Variants in PPP1R12B observed in about 807,000 individuals in gnomAD.
The protein encoded by PPP1R12B is protein phosphatase 1 regulatory subunit 12B.
A neutral mutation model predicts 126.1 loss-of-function variants in PPP1R12B; 76 were observed. The ratio of observed to expected loss-of-function variants is 0.60; its 90% CI spans 0.50 to 0.73. The LOEUF (loss-of-function observed/expected upper bound fraction) is 0.73. Among genes scored for constraint, PPP1R12B ranks in the 30% least tolerant of loss-of-function variants. The probability of loss-of-function intolerance (pLI) is 0.00; values close to 1 mark genes in which losing one functional copy is unlikely to be tolerated. For missense variants in PPP1R12B, 1,052 were observed against 1,205.1 expected (o/e 0.87, Z 1.88); for synonymous variants, 356 against 434.7 (o/e 0.82, Z 2.25).
intron 10 of PPP1R12B, 122 bp from the exon 11 acceptor site, chr1:202,440,584 A>G (rs1671476312): frequency 3.1e-6 from 2 of 646,986 alleles, no homozygotes; most frequent in Admixed American, 3.2e-5. Flanking sequence ...TCAAAATAGA[A>G]TTAGTGTTGG....
Position 202,493,170 on chromosome 1 carries a change from A to G in PPP1R12B, c.1998A>G (p.Ala666=), listed in dbSNP as rs1679115255. ...AAAGGACATTCAGCCGGTCGAGGGC[A>G]GAGAGGCAAGCTCAGGAGCAGCCTC... ...EAERTFSRSR[A]ERQAQEQPRE... The change falls in exon 15 of 24, where the codon GCA becomes GCG. Residue 666 remains alanine, a synonymous_variant. Transcript: ENST00000608999. The G allele has an allele frequency of 8.1e-6, 13 of 1,612,350 alleles. No individual in the cohort carries two copies. The East Asian group carries it at 2.7e-4, about 33-fold the overall frequency.
At chr1:202,398,304 C>T (rs540000021) in intron 1 of PPP1R12B, among the ~76,000 whole-genome samples, 1 of 152,314 alleles carries the variant, frequency 6.6e-6, no homozygotes, top group East Asian at 1.9e-4. Flanking sequence ...GTCATTATTT[C>T]CACAGCAAAC....
At chr1:202,555,218 G>A (rs1341529522) in intron 18 of PPP1R12B, among the ~76,000 whole-genome samples, 1 of 146,404 alleles carries the variant, frequency 6.8e-6, no homozygotes, top group African/African-American at 2.5e-5. Flanking sequence ...AATGAAAAGG[G>A]TTAATGTCAT....
chr1:202,566,186 C>G (rs1249366444), intron 21 of PPP1R12B, among the ~76,000 whole-genome samples: 1 of 152,204 alleles, frequency 6.6e-6, no homozygotes, highest in East Asian at 1.9e-4. Flanking sequence ...TGCCTTAGAA[C>G]AGTGAGCAGT....
At chr1:202,461,535 T>G (rs1674310571) in intron 13 of PPP1R12B, among the ~76,000 whole-genome samples, 1 of 152,288 alleles carries the variant, frequency 6.6e-6, no homozygotes, top group Non-Finnish European at 1.5e-5. Context: ...CCAGAGCTAA[T>G]ACATTTGGAA....
In PPP1R12B at chr1:202,564,467, A is replaced by T. The variant is rs761342089; in HGVS notation, c.2677A>T (p.Asn893Tyr). The part of the protein sequence containing the change: ...KKLYESALTE[N>Y]QKLKTKLQEA... ...GCTCTATGAGAGTGCTCTGACTGAAAACCAAAAACTGAAAACAAAACTTCA... is the reference window on the plus strand; with the variant it reads ...GCTCTATGAGAGTGCTCTGACTGAATACCAAAAACTGAAAACAAAACTTCA... Residue 893 changes from asparagine (N) to tyrosine (Y), a missense_variant, in exon 21 of 24, where the codon AAC becomes TAC. Transcript: ENST00000608999. The T allele has an allele frequency of 6.2e-7, 1 of 1,612,204 alleles. No homozygotes were observed. The highest frequency in any genetic ancestry group is 8.5e-7 in the Non-Finnish European group (1 of 1,179,196).
At position 202,588,833 on chromosome 1, in the gene PPP1R12B, A is replaced by AGAT. The variant is rs200203128; in HGVS notation, c.*8274_*8276dup. 4 of 129,354 alleles carry AGAT rather than the reference A, an allele frequency of 3.1e-5. No homozygotes were observed. Among genetic ancestry groups the AGAT allele is most frequent in the South Asian group, 2.5e-4 (1 of 4,042 alleles). 8.0% of individuals were successfully genotyped at this position (129,354 alleles called of 1,614,324 possible). ...CGTTCAAAAGAACCGTAAGATAGAT[A>AGAT]GATAGATAGATAGATAGATAGATAG... On this transcript the variant is annotated 3_prime_UTR_variant, in exon 24 of 24. Transcript: ENST00000608999.
chr1:202,530,732 T>C, intron 18 of PPP1R12B, among the ~76,000 whole-genome samples: 1 of 152,214 alleles, frequency 6.6e-6, no homozygotes, highest in East Asian at 1.9e-4. Flanking sequence ...GTTGCTGCCT[T>C]GTACTCCAAA....
chr1:202,574,819 C>T (rs1688939958), intron 23 of PPP1R12B: 2 of 538,346 alleles, frequency 3.7e-6, no homozygotes, highest in Non-Finnish European at 3.3e-6. Context: ...TTTTCTCCAT[C>T]ATCCTTCCAC....
rs767958215 is a variant in PPP1R12B at position 202,495,680 on chromosome 1, G to T, written c.2446G>T (p.Asp816Tyr). The stretch of plus-strand genomic sequence containing the variant: ...CACAGGCATCAATTTCTGGACAAAG[G>T]ATGTAAGTGGATTGGTCTGTGCTGA... ...RGTGINFWTK[D>Y]EDETDGSEEV... Residue 816 changes from aspartate to tyrosine, a missense_variant and splice_region_variant, in exon 17 of 24, where the codon GAT (aspartate) becomes TAT (tyrosine). Asp to Tyr is a radical substitution (Grantham distance 160, BLOSUM62 -3). Transcript: ENST00000608999. 5.6e-6 allele frequency: 9 copies of T among 1,613,110 alleles called. No individual in the cohort carries two copies. In the South Asian group the frequency reaches 9.9e-5, roughly 18 times the overall value.
At chr1:202,413,263 TA>T (rs1667635008) in intron 1 of PPP1R12B, among the ~76,000 whole-genome samples, 1 of 152,208 alleles carries the variant, frequency 6.6e-6, no homozygotes, top group Non-Finnish European at 1.5e-5. Context: ...GTAACCAAGT[TA>T]TCTAGTTAAA....
At chr1:202,502,842 A>G (rs1680381202) in intron 18 of PPP1R12B, 1 of 152,144 alleles carries the variant, frequency 6.6e-6, no homozygotes, top group South Asian at 2.1e-4. Flanking sequence ...TGTTATGGAC[A>G]GAGGGAATAG....
At chr1:202,554,988 C>T (rs967612651) in intron 18 of PPP1R12B, among the ~76,000 whole-genome samples, 17 of 151,940 alleles carry the variant, frequency 1.1e-4, no homozygotes, top group African/African-American at 3.9e-4. Flanking sequence ...CTAGGCCTCT[C>T]GAAAACCCTA....
At chr1:202,415,267 C>T (rs1407796521) in intron 1 of PPP1R12B, among the ~76,000 whole-genome samples, 3 of 152,014 alleles carry the variant, frequency 2.0e-5, no homozygotes, top group Non-Finnish European at 4.4e-5. Flanking sequence ...GAATATAGTG[C>T]CTGCTGGTAG....
chr1:202,563,080 C>A (rs564555318), intron 20 of PPP1R12B, among the ~76,000 whole-genome samples, 158 bp downstream of exon 20: 2 of 152,284 alleles, frequency 1.3e-5, no homozygotes, highest in African/African-American at 4.8e-5. Flanking sequence ...TACTTCACCT[C>A]TCCAAAAAAC....
chr1:202,539,976 A>G, intron 18 of PPP1R12B: 1 of 1,187,938 alleles, frequency 8.4e-7, no homozygotes, highest in Non-Finnish European at 1.1e-6. Flanking sequence ...TCAGAGCTCA[A>G]GACTATAATT....
At chr1:202,460,672 G>A (rs1330550293) in intron 13 of PPP1R12B, among the ~76,000 whole-genome samples, 2 of 152,164 alleles carry the variant, frequency 1.3e-5, no homozygotes, top group Non-Finnish European at 2.9e-5. Context: ...CTCTTCCTAA[G>A]TATGAATATT....
At chr1:202,540,208 A>G in intron 18 of PPP1R12B, 1 of 1,610,442 alleles carries the variant, frequency 6.2e-7, no homozygotes, top group Non-Finnish European at 8.5e-7. Flanking sequence ...ATTCTCCCCC[A>G]GCATCTCCCT....
chr1:202,386,717 T>G (rs1348280128), intron 1 of PPP1R12B, among the ~76,000 whole-genome samples: 2 of 152,214 alleles, frequency 1.3e-5, no homozygotes, highest in Admixed American at 6.5e-5. Context: ...ACTATTGTAT[T>G]TAACACTTTG....
Sources: gnomAD v4.1 joint callset for allele counts (sites outside exome capture counted in the v4.1 genomes callset) on GRCh38, gnomAD v4.1.1 for gene constraint, MANE v1.5 for transcripts, NCBI Gene and HGNC (gene_info 2026-07-23, HGNC 2026-07-21) for gene names.